The following CNOT1 variants were observed in gnomAD, a reference collection of about 807,000 sequenced individuals.
CNOT1 encodes the protein CCR4-NOT transcription complex subunit 1.
Under a neutral mutation model 273.8 loss-of-function variants are expected in CNOT1, and 15 were observed. That is an observed-to-expected ratio of 0.05 (90% confidence interval 0.04 to 0.08). CNOT1 has a LOEUF of 0.08. Ranked by LOEUF, CNOT1 falls within the 10% of genes least tolerant of loss-of-function variation. The probability of loss-of-function intolerance (pLI) is 1.00; values close to 1 mark genes in which losing one functional copy is unlikely to be tolerated. For synonymous variants in CNOT1, 1,022 were observed against 1,005.5 expected (o/e 1.02, Z -0.31); for missense variants, 1,644 against 2,912.2 (o/e 0.56, Z 10.02).
intron 44 of CNOT1, 54 bp downstream of exon 44, chr16:58,528,421 G>C (rs2039673360): frequency 7.8e-7 from 1 of 1,287,290 alleles, no homozygotes; most frequent in East Asian, 2.3e-5. Flanking sequence ...ACTTATCAGA[G>C]AAAGGACTGA....
At chr16:58,570,939 A>G (rs2041249508) in intron 16 of CNOT1, among the ~76,000 whole-genome samples, 1 of 152,192 alleles carries the variant, frequency 6.6e-6, no homozygotes, top group Admixed American at 6.5e-5. Context: ...GACAAGAGAT[A>G]GAAAGATTAA....
chr16:58,589,945 T>C (rs2041998769), intron 2 of CNOT1, among the ~76,000 whole-genome samples: 1 of 152,212 alleles, frequency 6.6e-6, no homozygotes, highest in Admixed American at 6.5e-5. Flanking sequence ...TTATTACCAT[T>C]CCTAAAACAG....
chr16:58,587,920 T>G (rs915445163), intron 3 of CNOT1, 42 bp from the exon 4 acceptor site: 1 of 1,567,930 alleles, frequency 6.4e-7, no homozygotes, highest in Non-Finnish European at 8.7e-7. Flanking sequence ...CTAATCATCA[T>G]CTAAGAACAA....
intron 30 of CNOT1, 94 bp from the exon 31 acceptor site, chr16:58,543,997 T>A (rs2040175605): frequency 6.8e-7 from 1 of 1,464,358 alleles, no homozygotes. Context: ...TAAATCAAGA[T>A]TAACCAAAAA....
chr16:58,558,287 C>T (rs1405347255), intron 18 of CNOT1, among the ~76,000 whole-genome samples, 186 bp downstream of exon 18: 1 of 152,180 alleles, frequency 6.6e-6, no homozygotes, highest in Non-Finnish European at 1.5e-5. Flanking sequence ...CTAATTCTTT[C>T]CTCCAATTAG....
intron 24 of CNOT1, 78 bp downstream of exon 24, chr16:58,551,054 T>G: frequency 2.6e-6 from 4 of 1,565,094 alleles, no homozygotes; most frequent in Non-Finnish European, 3.4e-6. Context: ...AAAGTGAGTA[T>G]GTAAAAGGGC....
chr16:58,572,104 A>G (rs896575059), intron 16 of CNOT1, among the ~76,000 whole-genome samples: 1 of 151,754 alleles, frequency 6.6e-6, no homozygotes, highest in Non-Finnish European at 1.5e-5. Flanking sequence ...ACCAACATGG[A>G]AAAACCCCAT....
At chr16:58,599,539 T>C in intron 1 of CNOT1, 28 bp from the exon 2 acceptor site, 1 of 586,894 alleles carries the variant, frequency 1.7e-6, no homozygotes. Flanking sequence ...CACACACAAA[T>C]CCAGATTTTT....
intron 34 of CNOT1, 192 bp from the exon 35 acceptor site, chr16:58,540,151 A>G: frequency 2.0e-6 from 1 of 511,014 alleles, no homozygotes; most frequent in Non-Finnish European, 3.4e-6. Flanking sequence ...GCACAGTACA[A>G]GGCAGGCATA....
At chr16:58,624,812 C>T (rs1339377570) in intron 1 of CNOT1, 2 of 152,142 alleles carry the variant, frequency 1.3e-5, no homozygotes, top group African/African-American at 2.4e-5. Flanking sequence ...AACAAACAAA[C>T]AAACGAAAAA....
intron 31 of CNOT1, 71 bp from the exon 32 acceptor site, chr16:58,542,639 C>A: frequency 6.4e-7 from 1 of 1,570,148 alleles, no homozygotes; most frequent in Non-Finnish European, 8.6e-7. Context: ...TGTGGACAGA[C>A]AGGATAGTAG....
chr16:58,603,589 C>T (rs1489453833), intron 1 of CNOT1, among the ~76,000 whole-genome samples: 1 of 152,124 alleles, frequency 6.6e-6, no homozygotes, highest in East Asian at 1.9e-4. Context: ...CACTGATACT[C>T]TTCCAGCTTC....
intron 38 of CNOT1, 96 bp downstream of exon 38, chr16:58,537,795 G>A: frequency 6.7e-7 from 1 of 1,501,288 alleles, no homozygotes. Flanking sequence ...TGGTAAAGCA[G>A]TTATAACAAG....
At chr16:58,540,949 T>C (rs1162009456) in intron 34 of CNOT1, among the ~76,000 whole-genome samples, 2 of 152,232 alleles carry the variant, frequency 1.3e-5, no homozygotes, top group South Asian at 2.1e-4. Context: ...CTCAGGCCTG[T>C]AATCCCAGCA....
Position 58,534,132 on chromosome 16 carries a change from GA to G in CNOT1, c.5895+14del. ...CTGATGTAGACCAAGACTAAGGCAA[GA>G]AAGGATTTCAGACCTTGTTCAGCAG... On this transcript the variant is annotated intron_variant, in intron 40 of 48. Transcript: ENST00000317147. 1 of 1,611,538 alleles carries G rather than the reference GA, an allele frequency of 6.2e-7. No individual in the cohort carries two copies. The highest frequency in any genetic ancestry group is 8.5e-7 in the Non-Finnish European group (1 of 1,177,956).
chr16:58,558,806 C>G, intron 17 of CNOT1, 132 bp from the exon 18 acceptor site: 1 of 1,239,452 alleles, frequency 8.1e-7, no homozygotes, highest in Non-Finnish European at 1.1e-6. Flanking sequence ...CACGATGATA[C>G]TTAAATCCCA....
intron 36 of CNOT1, 139 bp from the exon 37 acceptor site, chr16:58,538,405 C>G (rs1364112098): frequency 1.6e-6 from 1 of 641,670 alleles, no homozygotes; most frequent in Non-Finnish European, 2.8e-6. Context: ...TAAAAACAGC[C>G]AGTAATGAAA....
chr16:58,525,931 T>C (rs1330967203), intron 45 of CNOT1, 58 bp downstream of exon 45: 26 of 1,479,534 alleles, frequency 1.8e-5, no homozygotes, highest in Non-Finnish European at 2.4e-5. Flanking sequence ...CACAGGACCA[T>C]ACATAGAAAG....
chr16:58,523,330 G>T, intron 47 of CNOT1, 40 bp downstream of exon 47: 1 of 1,532,918 alleles, frequency 6.5e-7, no homozygotes, highest in Non-Finnish European at 8.8e-7. Flanking sequence ...AAAGGGAGGA[G>T]ATCCTTTTGA....
Sources: gnomAD v4.1 joint callset for allele counts (sites outside exome capture counted in the v4.1 genomes callset) on GRCh38, gnomAD v4.1.1 for gene constraint, MANE v1.5 for transcripts, NCBI Gene and HGNC (gene_info 2026-07-23, HGNC 2026-07-21) for gene names.